The following PURG variants were observed in gnomAD, a reference collection of about 807,000 sequenced individuals.
PURG encodes the protein purine rich element binding protein G, also known as purine-rich element-binding protein gamma.
PURG carries 3 observed loss-of-function variants against 24.3 expected under a neutral mutation model. That is an observed-to-expected ratio of 0.12 (90% CI 0.06 to 0.32). The LOEUF is 0.32. Among genes scored for constraint, PURG ranks in the 10% least tolerant of loss-of-function variants. PURG has a pLI of 1.00. For missense variants in PURG, 371 were observed against 439.1 expected, an observed-to-expected ratio of 0.84 and a Z score of 1.39; for synonymous variants, 180 against 173.1, an observed-to-expected ratio of 1.04 and a Z score of -0.31.
chr8:31,010,971 T>C (rs770531412), intron 1 of PURG, among the ~76,000 whole-genome samples: 4 of 152,338 alleles, frequency 2.6e-5, no homozygotes, highest in Non-Finnish European at 4.4e-5. Context: ...ATTAATTGTC[T>C]TCATTGCAAT....
In PURG at chr8:31,032,794, A is replaced by G; in HGVS notation, c.-6-6T>C. On this transcript the variant is annotated splice_region_variant and splice_polypyrimidine_tract_variant and intron_variant, in intron 1 of 1. Coordinates refer to ENST00000523392, the MANE Select transcript of PURG (RefSeq NM_001323311.2). This position sits in a 1 kb window ranked among gnomAD's most constrained non-coding sequence, Gnocchi z 5.9. ...CTGGCTCTTTCCATCTTCAGCTGCA[A>G]GTAACAAACAGACACACGGGATGGG... The G allele has an allele frequency of 1.4e-6, 2 of 1,411,046 alleles. No homozygotes were observed. The highest frequency in any genetic ancestry group is 1.7e-5 in the South Asian group (1 of 58,552). The allele number at this position is 1,411,046 out of a possible 1,614,324, so 87.4% of individuals were successfully genotyped here.
At chr8:30,997,679 G>C (rs920543956) in intron 1 of PURG, among the ~76,000 whole-genome samples, 2 of 151,546 alleles carry the variant, frequency 1.3e-5, no homozygotes, top group African/African-American at 4.8e-5. Flanking sequence ...AAAGAAAGTG[G>C]AGTTTGTCCA....
intron 1 of PURG, among the ~76,000 whole-genome samples, chr8:31,004,904 G>A (rs1158551545): frequency 6.6e-6 from 1 of 152,066 alleles, no homozygotes; most frequent in Non-Finnish European, 1.5e-5. Flanking sequence ...TAGAAGTACT[G>A]TCACTTAATA....
At chr8:30,996,803 G>A (rs1810437693) in intron 1 of PURG, 1 of 891,320 alleles carries the variant, frequency 1.1e-6, no homozygotes, top group Non-Finnish European at 1.7e-6. Flanking sequence ...AAACCTTTCT[G>A]TTAGAAAGCA....
chr8:31,015,819 G>A lies in PURG; in HGVS notation c.864+16100C>T, dbSNP rs145629852. ...TAATCCCAGCACTTTGGAAGGCTGA[G>A]GTGGGAGAAATGCTTGAGCCCAGGA... On this transcript the variant is annotated intron_variant, in intron 1 of 1. Coordinates refer to the PURG transcript ENST00000339382. Among the ~76,000 whole-genome samples the A allele has an allele frequency of 2.2e-4, 33 of 152,250 alleles. No individual in the cohort carries two copies. The East Asian group carries it at 6.2e-3, about 28-fold the overall frequency.
rs1435476089 is a variant in PURG at position 31,032,688 on chromosome 8, G to A, written c.95C>T (p.Pro32Leu). 1 of 1,535,210 alleles carries A rather than the reference G, an allele frequency of 6.5e-7. No individual in the cohort carries two copies. ...GSGLSKSRLY[P>L]QAQHSHYPHY... is the part of the protein sequence containing the mutation. ...GGGGTAGTGGGAGTGCTGGGCCTGG[G>A]GATAGAGTCTACTCTTGCTTAGGCC... Residue 32 changes from proline to leucine, a missense_variant, in exon 2 of 2, where the codon CCC becomes CTC. Physicochemically the swap from Pro to Leu is moderately conservative, Grantham distance 98. This residue lies in a region of PURG where 213 missense variants were observed against 230.6 expected (regional missense o/e 0.92). Transcript: ENST00000523392. The surrounding 1 kb of genome is among the most constrained non-coding windows in gnomAD (Gnocchi z 5.9).
chr8:31,014,629 C>T (rs1810825501), intron 1 of PURG, among the ~76,000 whole-genome samples: 1 of 152,150 alleles, frequency 6.6e-6, no homozygotes, highest in African/African-American at 2.4e-5. Context: ...CCATTTTATA[C>T]TGAATAAGCA....
At chr8:31,019,426 T>C (rs1810949591) in intron 1 of PURG, among the ~76,000 whole-genome samples, 1 of 144,256 alleles carries the variant, frequency 6.9e-6, no homozygotes, top group African/African-American at 2.6e-5. Context: ...CTCCACTTCC[T>C]GTGTTCAAGT....
chr8:31,007,844 A>G (rs1403395636), intron 1 of PURG, among the ~76,000 whole-genome samples: 2 of 152,222 alleles, frequency 1.3e-5, no homozygotes, highest in Non-Finnish European at 2.9e-5. Flanking sequence ...TTTTAAAAAA[A>G]GAAAAAAACA....
intron 1 of PURG, among the ~76,000 whole-genome samples, chr8:31,021,444 A>G (rs1402599543): frequency 2.0e-5 from 3 of 152,186 alleles, no homozygotes; most frequent in Non-Finnish European, 4.4e-5. Flanking sequence ...TTTATCTGTA[A>G]ACTAAAGATC....
At chr8:31,000,825 C>T (rs554151468) in intron 1 of PURG, among the ~76,000 whole-genome samples, 4 of 152,228 alleles carry the variant, frequency 2.6e-5, no homozygotes, top group Admixed American at 1.3e-4. Context: ...TTGGCATCCT[C>T]ATCTTCTGAG....
In PURG at chr8:31,033,244, C is replaced by T. The variant is rs1229297321; in HGVS notation, c.-173G>A. ...CGCCGGAGCAGCCGGGCAGGGGCAT[C>T]GCCCGCGGCGCCCACCGCAGCCGCC... On this transcript the variant is annotated 5_prime_UTR_variant, in exon 1 of 2. Transcript: ENST00000523392. The T allele has an allele frequency of 5.8e-6, 1 of 172,386 alleles. No individual in the cohort carries two copies. The highest frequency in any genetic ancestry group is 1.2e-5 in the Non-Finnish European group (1 of 82,264). The allele number at this position is 172,386 out of a possible 1,614,324, so 10.7% of individuals were successfully genotyped here. A position where few individuals can be genotyped will look rare whatever the true frequency, so the allele number is the denominator to read the frequency against.
intron 1 of PURG, among the ~76,000 whole-genome samples, chr8:31,017,371 G>T (rs1810894335): frequency 6.6e-6 from 1 of 151,528 alleles, no homozygotes; most frequent in Non-Finnish European, 1.5e-5. Flanking sequence ...TGCAATATAT[G>T]TATGTTTAAT....
Position 31,017,236 on chromosome 8 carries a change from C to T in PURG, c.864+14683G>A, listed in dbSNP as rs58677983. Among the ~76,000 whole-genome samples the T allele has an allele frequency of 7.8e-3, 1,185 of 152,150 alleles. 24 individuals carry two copies. The highest frequency in any genetic ancestry group is 0.069 in the East Asian group (355 of 5,176). ...GCACTTTAGGGCAGCCAATCAATTG[C>T]AAATACAAGCGAGATGAAACCCATT... On this transcript the variant is annotated intron_variant, in intron 1 of 1. Transcript: ENST00000339382.
intron 1 of PURG, among the ~76,000 whole-genome samples, chr8:31,021,540 T>C (rs1306899742): frequency 6.6e-6 from 1 of 152,166 alleles, no homozygotes; most frequent in Non-Finnish European, 1.5e-5. Flanking sequence ...TAGTCCCACA[T>C]ATAGGGGACG....
At chr8:31,013,011 T>C (rs1810792343) in intron 1 of PURG, among the ~76,000 whole-genome samples, 1 of 152,230 alleles carries the variant, frequency 6.6e-6, no homozygotes, top group African/African-American at 2.4e-5. Context: ...AAGAATCTAA[T>C]TTAAGAATCA....
chr8:31,033,130 G>A lies in PURG; in HGVS notation c.-59C>T. ...GATGCCCTTCACGACCACCGCCGCCGCCACCGCCAGCTCTCGGCCCCTCTG... is the reference window on the plus strand; with the variant it reads ...GATGCCCTTCACGACCACCGCCGCCACCACCGCCAGCTCTCGGCCCCTCTG... On this transcript the variant is annotated 5_prime_UTR_variant, in exon 1 of 2. Coordinates refer to ENST00000523392, the MANE Select transcript of PURG (RefSeq NM_001323311.2). 3 of 221,722 alleles carry A rather than the reference G, an allele frequency of 1.4e-5. No homozygotes were observed. The East Asian group carries it at 2.5e-4, about 18-fold the overall frequency. 13.7% of individuals were successfully genotyped at this position (221,722 alleles called of 1,614,324 possible).
At chr8:31,013,856 C>A (rs1367838400) in intron 1 of PURG, among the ~76,000 whole-genome samples, 1 of 152,128 alleles carries the variant, frequency 6.6e-6, no homozygotes, top group African/African-American at 2.4e-5. Flanking sequence ...ATTAAATAAA[C>A]TTCTGTGATT....
At chr8:31,015,489 G>A (rs1449536890) in intron 1 of PURG, among the ~76,000 whole-genome samples, 1 of 152,062 alleles carries the variant, frequency 6.6e-6, no homozygotes, top group Non-Finnish European at 1.5e-5. Context: ...AAAAGAGGTT[G>A]AGAAATGTCA....
Sources: gnomAD v4.1 joint callset for allele counts (sites outside exome capture counted in the v4.1 genomes callset) on GRCh38, gnomAD v4.1.1 for gene constraint, gnomAD v4.1.1 regional missense constraint, Gnocchi (gnomAD v3.1) non-coding constraint, MANE v1.5 for transcripts, NCBI Gene and HGNC (gene_info 2026-07-23, HGNC 2026-07-21) for gene names.